The following SEC13 variants were observed in gnomAD, a reference collection of about 807,000 sequenced individuals.
The protein encoded by SEC13 is protein SEC13 homolog.
SEC13 carries 25 observed loss-of-function variants against 49.2 expected under a neutral mutation model. The ratio of observed to expected loss-of-function variants is 0.51; its 90% confidence interval spans 0.37 to 0.71. The LOEUF is 0.71. Among genes scored for constraint, SEC13 ranks in the 30% least tolerant of loss-of-function variants. SEC13 has a pLI of 0.00. For missense variants in SEC13, 383 were observed against 417.6 expected (o/e 0.92, Z 0.72); for synonymous variants, 148 against 163.9 (o/e 0.90, Z 0.74).
intron 5 of SEC13, among the ~76,000 whole-genome samples, chr3:10,308,814 T>TTTA (rs1491336913): frequency 2.1e-5 from 2 of 96,766 alleles, no homozygotes; most frequent in East Asian, 6.0e-4. Flanking sequence ...TTTTTTTTTT[T>TTTA]AGAGACGGGG....
At chr3:10,320,979 C>A in intron 1 of SEC13, 71 bp downstream of exon 1, 1 of 1,598,718 alleles carries the variant, frequency 6.3e-7, no homozygotes, top group Non-Finnish European at 8.5e-7. Context: ...GGACTCAGGA[C>A]GGCCGAGGAA....
chr3:10,312,194 C>T, intron 4 of SEC13, 96 bp from the exon 5 acceptor site: 1 of 1,475,956 alleles, frequency 6.8e-7, no homozygotes, highest in Non-Finnish European at 9.0e-7. Context: ...ATGTCTACAA[C>T]AAACAACTGT....
chr3:10,317,500 A>G (rs796599548), intron 2 of SEC13, among the ~76,000 whole-genome samples: 9 of 151,566 alleles, frequency 5.9e-5, no homozygotes, highest in African/African-American at 1.9e-4. Context: ...GTCCTCTTAT[A>G]CTGAGCCTTG....
At chr3:10,307,857 C>T (rs1700986070) in intron 5 of SEC13, among the ~76,000 whole-genome samples, 1 of 152,210 alleles carries the variant, frequency 6.6e-6, no homozygotes, top group South Asian at 2.1e-4. Context: ...GTGTGAGCCA[C>T]TGTGCCTGCC....
chr3:10,311,697 T>C (rs973270086), intron 5 of SEC13: 3 of 1,340,734 alleles, frequency 2.2e-6, no homozygotes, highest in Non-Finnish European at 1.9e-6. Flanking sequence ...GAGGCAACCA[T>C]AGCTAAGGTG....
chr3:10,311,341 T>C (rs1701240498), intron 5 of SEC13, among the ~76,000 whole-genome samples: 1 of 152,192 alleles, frequency 6.6e-6, no homozygotes, highest in African/African-American at 2.4e-5. Flanking sequence ...ATACAAATTA[T>C]TGTAGAATTA....
intron 3 of SEC13, chr3:10,313,031 G>A (rs763584416): frequency 1.4e-5 from 5 of 355,018 alleles, no homozygotes; most frequent in South Asian, 8.0e-5. Context: ...AGCACTGTCT[G>A]TATGTGCTGT....
At chr3:10,303,418 C>CTAAT (rs896023556) in intron 8 of SEC13, 11 of 153,580 alleles carry the variant, frequency 7.2e-5, no homozygotes, top group African/African-American at 1.4e-4. Flanking sequence ...TTTTTTCCTT[C>CTAAT]TAATTGTAAA....
rs1340035740 is a variant in SEC13 at position 10,305,613 on chromosome 3, T to C, written c.530A>G (p.Asn177Ser). Reference sequence around the variant, plus strand: ...ACCTGATGCAAACCTCTTGATGTAATTGGGTTTCTGCCCCGATGGGTGGTC... The same window carrying C: ...ACCTGATGCAAACCTCTTGATGTAACTGGGTTTCTGCCCCGATGGGTGGTC... The part of the protein sequence containing the change: ...LIDHPSGQKP[N>S]YIKRFASGGC... Residue 177 changes from asparagine to serine, a missense_variant, in exon 6 of 9, where the codon AAT (asparagine) becomes AGT (serine). Physicochemically the swap from Asn to Ser is conservative, Grantham distance 46. Transcript: ENST00000350697. The C allele has an allele frequency of 1.1e-5, 17 of 1,614,034 alleles. No individual in the cohort carries two copies. Among genetic ancestry groups the C allele is most frequent in the African/African-American group, 4.0e-5 (3 of 74,910 alleles).
chr3:10,302,310 C>T (rs747487576), intron 8 of SEC13, among the ~76,000 whole-genome samples: 1 of 152,062 alleles, frequency 6.6e-6, no homozygotes, highest in Non-Finnish European at 1.5e-5. Flanking sequence ...ATGAAAATAA[C>T]GATTTTGATT....
In SEC13 at chr3:10,305,710, A is replaced by G. The variant is rs374856352; in HGVS notation, c.451-18T>C. 13 of 1,613,918 alleles carry G rather than the reference A, an allele frequency of 8.1e-6. No individual in the cohort carries two copies. Among genetic ancestry groups the G allele is most frequent in the Non-Finnish European group, 8.5e-6 (10 of 1,179,782 alleles). ...CAGCCAATCTGTAAAGATGGGACAC[A>G]TGGTGACTCTGCCTTGCAAGAGAAC... On this transcript the variant is annotated intron_variant, in intron 5 of 8. Transcript: ENST00000350697.
At chr3:10,315,208 G>A (rs1272644110) in intron 3 of SEC13, 113 bp downstream of exon 3, 4 of 748,026 alleles carry the variant, frequency 5.3e-6, no homozygotes, top group African/African-American at 5.3e-5. Context: ...TCCGCTAAAT[G>A]TGCTTTGGGG....
intron 5 of SEC13, among the ~76,000 whole-genome samples, chr3:10,307,564 A>G (rs1312423337): frequency 6.6e-6 from 1 of 152,222 alleles, no homozygotes; most frequent in African/African-American, 2.4e-5. Context: ...CATGGATGGC[A>G]GCAAAAAGGG....
intron 3 of SEC13, among the ~76,000 whole-genome samples, chr3:10,314,122 CT>C (rs60825990): frequency 0.26 from 38,999 of 149,646 alleles, 5,797 homozygotes; most frequent in East Asian, 0.51. Flanking sequence ...CAGTAATCAA[CT>C]TTTTTTTTTT....
At position 10,307,956 on chromosome 3, in the gene SEC13, G is replaced by T. The variant is rs181721356; in HGVS notation, c.451-2264C>A. Among the ~76,000 whole-genome samples, 480 of 152,270 alleles carry T rather than the reference G, an allele frequency of 3.2e-3. 4 individuals carry two copies. Among genetic ancestry groups the T allele is most frequent in the African/African-American group, 0.011 (466 of 41,560 alleles). On this transcript the variant is annotated intron_variant, in intron 5 of 8. Coordinates refer to ENST00000350697, the MANE Select transcript of SEC13 (RefSeq NM_183352.3). Reference sequence around the variant, plus strand: ...TGAAGTCTTTGTAGTCATTTTAGTTGTGTGACTTGTATCCTCTAGTAGATT... The same window carrying T: ...TGAAGTCTTTGTAGTCATTTTAGTTTTGTGACTTGTATCCTCTAGTAGATT...
Position 10,315,388 on chromosome 3 carries a change from A to G in SEC13, c.97T>C (p.Ser33Pro). The G allele has an allele frequency of 6.4e-7, 1 of 1,565,426 alleles. No homozygotes were observed. The highest frequency in any genetic ancestry group is 8.7e-7 in the Non-Finnish European group (1 of 1,151,454). Residue 33 changes from serine (S) to proline (P), a missense_variant, in exon 3 of 9, where the codon TCA (serine) becomes CCA (proline). Coordinates refer to ENST00000350697, the MANE Select transcript of SEC13 (RefSeq NM_183352.3). ...YYGTRLATCS[S>P]DRSVKIFDVR... ...TCAAAGATTTTGACGGACCTGTCTG[A>G]TGAGCAGGTTGCCAGGCGGGTGCCA... is the stretch of plus-strand genomic sequence containing the variant.
chr3:10,311,590 TCTTA>T, intron 5 of SEC13: 1 of 986,834 alleles, frequency 1.0e-6, no homozygotes. Context: ...TATTAATCTT[TCTTA>T]AATGTATGCA....
At chr3:10,304,970 C>CTA (rs1378408135) in intron 7 of SEC13, 63 bp downstream of exon 7, 1 of 1,610,854 alleles carries the variant, frequency 6.2e-7, no homozygotes, top group Non-Finnish European at 8.5e-7. Flanking sequence ...GCTAAGGAGA[C>CTA]TAAGAGCTGA....
At position 10,304,169 on chromosome 3, in the gene SEC13, C is replaced by T; in HGVS notation, c.712G>A (p.Gly238Ser). 6.2e-7 allele frequency: 1 copy of T among 1,613,926 alleles called. No individual in the cohort carries two copies. The highest frequency in any genetic ancestry group is 8.5e-7 in the Non-Finnish European group (1 of 1,179,932). ...TSTIASCSQDGRVFIWTCDDA... is the reference protein window; with the variant it reads ...TSTIASCSQDSRVFIWTCDDA... The stretch of plus-strand genomic sequence containing the variant: ...TCACAGGTCCAAATGAACACACGAC[C>T]ATCCTAGGAAGAAACAGGATAGAGT... Residue 238 changes from glycine to serine, a missense_variant, in exon 8 of 9, where the codon GGT becomes AGT. Physicochemically the swap from Gly to Ser is moderately conservative, Grantham distance 56. Coordinates refer to ENST00000350697, the MANE Select transcript of SEC13 (RefSeq NM_183352.3).
Sources: gnomAD v4.1 joint callset for allele counts (sites outside exome capture counted in the v4.1 genomes callset) on GRCh38, gnomAD v4.1.1 for gene constraint, MANE v1.5 for transcripts, NCBI Gene and HGNC (gene_info 2026-07-23, HGNC 2026-07-21) for gene names.